Variants in DEPDC4 observed in about 807,000 individuals in gnomAD.
The protein encoded by DEPDC4 is DEP domain-containing protein 4.
A neutral mutation model predicts 52.0 loss-of-function variants in DEPDC4; 52 were observed. That is an observed-to-expected ratio of 1.00 (90% confidence interval 0.80 to 1.26). The LOEUF is 1.26. Among genes scored for constraint, DEPDC4 ranks in the 50% most tolerant of loss-of-function variants. The probability of loss-of-function intolerance (pLI) is 0.00; values close to 1 mark genes in which losing one functional copy is unlikely to be tolerated. For missense variants in DEPDC4, 530 were observed against 546.9 expected, an observed-to-expected ratio of 0.97 and a Z score of 0.31; for synonymous variants, 201 against 196.8, an observed-to-expected ratio of 1.02 and a Z score of -0.18.
At chr12:100,267,853 GC>G (rs1207286972), upstream of DEPDC4, 1 of 152,784 alleles carries the variant, frequency 6.5e-6, no homozygotes, top group African/African-American at 2.4e-5. Flanking sequence ...ACCAGCCAGG[GC>G]CCTGCCGCCC....
At chr12:100,269,477 T>C (rs1287503022), upstream of DEPDC4, among the ~76,000 whole-genome samples, 1 of 152,088 alleles carries the variant, frequency 6.6e-6, no homozygotes, top group Non-Finnish European at 1.5e-5. Context: ...TAGATGTTCC[T>C]CATCTCCTGA....
chr12:100,256,679 T>C (rs913602733), intron 3 of DEPDC4, among the ~76,000 whole-genome samples: 63 of 151,690 alleles, frequency 4.2e-4, no homozygotes, highest in African/African-American at 1.5e-3. Context: ...TCTCGCTTTG[T>C]TGCCCAGGCT....
At chr12:100,249,104 G>T in intron 7 of DEPDC4, 126 bp from the exon 8 acceptor site, 1 of 211,090 alleles carries the variant, frequency 4.7e-6, no homozygotes, top group Non-Finnish European at 8.2e-6. Flanking sequence ...TAGATGAGTG[G>T]AAAGGGTGGG....
intron 9 of DEPDC4, among the ~76,000 whole-genome samples, chr12:100,234,708 C>A (rs1172946821): frequency 1.3e-5 from 2 of 152,080 alleles, no homozygotes; most frequent in African/African-American, 4.8e-5. Context: ...CGTTAATGGT[C>A]ATGGAAATTT....
chr12:100,281,026 T>TGG, the DEPDC4 span, among the ~76,000 whole-genome samples: 3 of 100,644 alleles, frequency 3.0e-5, no homozygotes, highest in Admixed American at 9.7e-5. Context: ...AGTGTTTTTT[T>TGG]TTTTTTTTTT....
At chr12:100,278,207 G>GT in the DEPDC4 span, among the ~76,000 whole-genome samples, 93 of 151,374 alleles carry the variant, frequency 6.1e-4, no homozygotes, top group African/African-American at 2.0e-3. Flanking sequence ...GTTTTGTTTT[G>GT]TTTTGTTTTA....
chr12:100,241,718 CT>C lies in DEPDC4; in HGVS notation c.*173del. On this transcript the variant is annotated 3_prime_UTR_variant, in exon 10 of 10. Coordinates refer to ENST00000550587, the MANE Select transcript of DEPDC4 (RefSeq NM_001364818.2). ...GTTTTTGAAATTCCTTAATTAATTT[CT>C]TTTTTCGTTTCAGAGAGATGCTGGG... is the stretch of plus-strand genomic sequence containing the variant. 2 of 1,260,556 alleles carry C rather than the reference CT, an allele frequency of 1.6e-6. No individual in the cohort carries two copies. The highest frequency in any genetic ancestry group is 1.3e-5 in the South Asian group (1 of 74,626). 78.1% of individuals were successfully genotyped at this position (1,260,556 alleles called of 1,614,324 possible).
At chr12:100,250,396 T>C (rs1410458629) in intron 7 of DEPDC4, among the ~76,000 whole-genome samples, 1 of 152,094 alleles carries the variant, frequency 6.6e-6, no homozygotes, top group Non-Finnish European at 1.5e-5. Context: ...TTTTTTGTAT[T>C]TTTAGTAGAG....
chr12:100,255,354 T>C (rs915364658), intron 4 of DEPDC4, among the ~76,000 whole-genome samples: 2 of 152,220 alleles, frequency 1.3e-5, no homozygotes, highest in African/African-American at 2.4e-5. Flanking sequence ...AACAGGACCA[T>C]AGTTGACTAA....
chr12:100,251,714 C>G (rs973096732), intron 7 of DEPDC4, among the ~76,000 whole-genome samples: 1 of 151,844 alleles, frequency 6.6e-6, no homozygotes, highest in Non-Finnish European at 1.5e-5. Flanking sequence ...ATTACAGGCA[C>G]GCGCCACCAC....
At chr12:100,267,337 G>A (rs957114997), upstream of DEPDC4, 2 of 373,240 alleles carry the variant, frequency 5.4e-6, no homozygotes, top group South Asian at 1.1e-4. Flanking sequence ...GCCAGGAGGC[G>A]TTTATTAGGG....
chr12:100,252,108 T>C (rs2096210538), intron 7 of DEPDC4, 68 bp downstream of exon 7: 1 of 1,106,206 alleles, frequency 9.0e-7, no homozygotes, highest in Non-Finnish European at 1.1e-6. Context: ...ACTAAGTGAA[T>C]GATTTGCTTT....
At chr12:100,259,822 A>G (rs1357891262) in intron 3 of DEPDC4, among the ~76,000 whole-genome samples, 2 of 152,104 alleles carry the variant, frequency 1.3e-5, no homozygotes, top group African/African-American at 4.8e-5. Flanking sequence ...GGGAACTGCT[A>G]TTTTTTTGTA....
Position 100,253,597 on chromosome 12 carries a change from G to A in DEPDC4, c.997C>T (p.Gln333Ter). Residue 333 changes from glutamine to a stop codon, truncating the protein, a stop_gained, in exon 5 of 10, where the codon CAG becomes TAG. Coordinates refer to ENST00000550587, the MANE Select transcript of DEPDC4 (RefSeq NM_001364818.2). LOFTEE classifies it high-confidence loss of function. ...ATGACATCAAAGAGTATCTTCTTCT[G>A]ACTGTTCAATCTTGTCTCTTCATTT... ...NRNEETRLNS[Q>*]KKILFDVIAK... 1 of 1,288,842 alleles carries A rather than the reference G, an allele frequency of 7.8e-7. No homozygotes were observed. Among genetic ancestry groups the A allele is most frequent in the Non-Finnish European group, 1.0e-6 (1 of 988,256 alleles). 79.8% of individuals were successfully genotyped at this position (1,288,842 alleles called of 1,614,324 possible). A position where few individuals can be genotyped will look rare whatever the true frequency, so the allele number is the denominator to read the frequency against.
intron 4 of DEPDC4, among the ~76,000 whole-genome samples, chr12:100,254,291 C>A (rs2096221805): frequency 6.7e-6 from 1 of 149,280 alleles, no homozygotes; most frequent in African/African-American, 2.5e-5. Flanking sequence ...ACTGTAATTT[C>A]CCTTAATGGT....
chr12:100,242,846 C>T (rs560745686), intron 8 of DEPDC4, among the ~76,000 whole-genome samples: 2 of 152,310 alleles, frequency 1.3e-5, no homozygotes, highest in South Asian at 4.1e-4. Context: ...CTCTTGCACA[C>T]CTATCCTTCT....
chr12:100,247,169 C>CA (rs1218151781), intron 8 of DEPDC4, among the ~76,000 whole-genome samples: 1 of 143,570 alleles, frequency 7.0e-6, no homozygotes. Context: ...TAGCATTGTG[C>CA]AAAACACTTA....
chr12:100,256,277 C>T, intron 3 of DEPDC4, 51 bp from the exon 4 acceptor site: 2 of 1,319,642 alleles, frequency 1.5e-6, no homozygotes, highest in Non-Finnish European at 2.1e-6. Context: ...AAAACATACA[C>T]ATTCAACCAA....
chr12:100,236,562 G>C (rs1432027222), downstream of DEPDC4, among the ~76,000 whole-genome samples: 3 of 151,876 alleles, frequency 2.0e-5, no homozygotes, highest in Non-Finnish European at 4.4e-5. Context: ...TGATTTGTTT[G>C]AGTTCCTTGT....
Sources: allele counts gnomAD v4.1 joint callset (sites outside exome capture counted in the v4.1 genomes callset), GRCh38; gene constraint gnomAD v4.1.1; transcripts MANE v1.5; gene names NCBI Gene and HGNC (gene_info 2026-07-23, HGNC 2026-07-21).